Variants in UVRAG observed in about 807,000 individuals in gnomAD.
UVRAG encodes the protein UV radiation resistance associated, also known as UV radiation resistance-associated gene protein.
In UVRAG, 19 loss-of-function variants were observed where a neutral mutation model predicts 78.0. That is an observed-to-expected ratio of 0.24 (90% CI 0.17 to 0.36). The LOEUF is 0.36. Among genes scored for constraint, UVRAG ranks in the 10% least tolerant of loss-of-function variants. UVRAG has a pLI of 1.00. For synonymous variants in UVRAG, 323 were observed against 324.6 expected (o/e 1.00, Z 0.05); for missense variants, 740 against 853.8 (o/e 0.87, Z 1.66).
intron 8 of UVRAG, among the ~76,000 whole-genome samples, chr11:76,003,713 A>G (rs751479773): frequency 2.0e-5 from 3 of 152,194 alleles, no homozygotes; most frequent in Non-Finnish European, 4.4e-5. Flanking sequence ...CTGAATTTTG[A>G]TATCTTATCA....
At chr11:76,102,147 A>G (rs114169319) in intron 13 of UVRAG, among the ~76,000 whole-genome samples, 2,018 of 152,276 alleles carry the variant, frequency 0.013, 47 homozygotes, top group African/African-American at 0.046. Context: ...AGGAATAGCA[A>G]TTGAATCTAT....
intron 14 of UVRAG, among the ~76,000 whole-genome samples, chr11:76,131,874 G>A (rs992557492): frequency 2.0e-5 from 3 of 152,150 alleles, no homozygotes; most frequent in Non-Finnish European, 4.4e-5. Context: ...GAGGTTCTGA[G>A]CTCCTACTTG....
At chr11:75,852,675 G>A (rs936832540) in intron 2 of UVRAG, among the ~76,000 whole-genome samples, 2 of 152,110 alleles carry the variant, frequency 1.3e-5, no homozygotes, top group South Asian at 4.1e-4. Flanking sequence ...CACTAGCTTC[G>A]TGACTTTTGA....
intron 13 of UVRAG, among the ~76,000 whole-genome samples, chr11:76,081,008 G>A (rs747355217): frequency 3.9e-5 from 6 of 152,172 alleles, no homozygotes; most frequent in Non-Finnish European, 7.4e-5. Flanking sequence ...TTTCTAAACT[G>A]CCCTAAAACA....
chr11:76,134,706 A>T (rs191935322), intron 14 of UVRAG, among the ~76,000 whole-genome samples: 4 of 152,170 alleles, frequency 2.6e-5, no homozygotes, highest in African/African-American at 4.8e-5. Context: ...CATAATGACA[A>T]CCACCACAAT....
intron 13 of UVRAG, among the ~76,000 whole-genome samples, chr11:76,069,118 G>A (rs1420154343): frequency 6.6e-6 from 1 of 152,176 alleles, no homozygotes; most frequent in Non-Finnish European, 1.5e-5. Flanking sequence ...TTTTGGTAGA[G>A]GAAATGACAG....
At chr11:75,941,681 ATAT>A (rs777156378) in intron 6 of UVRAG, among the ~76,000 whole-genome samples, 10 of 152,076 alleles carry the variant, frequency 6.6e-5, no homozygotes, top group Non-Finnish European at 1.2e-4. Flanking sequence ...CTGCAACCTG[ATAT>A]TATTTCCTTT....
At chr11:75,897,789 G>C (rs1241658554) in intron 5 of UVRAG, among the ~76,000 whole-genome samples, 5 of 151,174 alleles carry the variant, frequency 3.3e-5, no homozygotes, top group Non-Finnish European at 7.4e-5. Context: ...TTCCCAAAGT[G>C]CTGGGATTAC....
chr11:75,991,193 GAC>G (rs1949599548), intron 8 of UVRAG, among the ~76,000 whole-genome samples: 1 of 152,152 alleles, frequency 6.6e-6, no homozygotes, highest in South Asian at 2.1e-4. Context: ...CAAATAAATA[GAC>G]AGTTGTTTTG....
intron 2 of UVRAG, among the ~76,000 whole-genome samples, chr11:75,859,140 C>T (rs760473020): frequency 2.0e-5 from 3 of 151,946 alleles, no homozygotes; most frequent in Non-Finnish European, 4.4e-5. Flanking sequence ...TTTGGGAGGC[C>T]GAGGCGTGTG....
chr11:75,866,237 C>T (rs189759589), intron 3 of UVRAG, among the ~76,000 whole-genome samples: 2 of 151,320 alleles, frequency 1.3e-5, no homozygotes, highest in African/African-American at 4.9e-5. Flanking sequence ...CAAATTACTT[C>T]GAGCTGAGCG....
chr11:76,003,257 ATTTTTTTTTTTTT>A lies in UVRAG; in HGVS notation c.827-729_827-717del, dbSNP rs398045280. Among the ~76,000 whole-genome samples, 94 of 53,806 alleles carry A rather than the reference ATTTTTTTTTTTTT, an allele frequency of 1.7e-3. 1 individual carries two copies. The highest frequency in any genetic ancestry group is 2.8e-3 in the African/African-American group (36 of 12,906). The allele number at this position is 53,806 out of a possible 152,430, so 35.3% of individuals were successfully genotyped here. ...CACTATGATTTTCACGAAAATACTG[ATTTTTTTTTTTTT>A]TTTTTTTTTTTTTTTTTTGGAGACA... On this transcript the variant is annotated intron_variant, in intron 8 of 14. Coordinates refer to ENST00000356136, the MANE Select transcript of UVRAG (RefSeq NM_003369.4).
intron 4 of UVRAG, among the ~76,000 whole-genome samples, chr11:75,888,156 C>G (rs548895433): frequency 5.3e-5 from 8 of 151,632 alleles, no homozygotes; most frequent in Non-Finnish European, 8.8e-5. Context: ...ATTTTTAAGA[C>G]GAGGTTGTGC....
chr11:76,072,378 C>T (rs1483932081), intron 13 of UVRAG, among the ~76,000 whole-genome samples: 1 of 151,962 alleles, frequency 6.6e-6, no homozygotes, highest in Non-Finnish European at 1.5e-5. Context: ...TGTTTTCAAC[C>T]TGTTTGTTTT....
intron 6 of UVRAG, among the ~76,000 whole-genome samples, chr11:75,932,084 C>A (rs1287456656): frequency 2.0e-5 from 3 of 151,888 alleles, no homozygotes; most frequent in Non-Finnish European, 4.4e-5. Flanking sequence ...TATGTGAATT[C>A]CAACCTTCTT....
chr11:76,116,370 C>T (rs1482835819), intron 14 of UVRAG, among the ~76,000 whole-genome samples: 1 of 152,140 alleles, frequency 6.6e-6, no homozygotes, highest in African/African-American at 2.4e-5. Context: ...AGGTGAAGGG[C>T]CTGATTATAG....
At position 76,004,027 on chromosome 11, in the gene UVRAG, C is replaced by T. The variant is rs371053905; in HGVS notation, c.849C>T (p.His283=). Residue 283 remains histidine, a synonymous_variant, in exon 9 of 15, where the codon CAC becomes CAT. Transcript: ENST00000356136. ...QDKGSAFSAE[H]LKLQLQKESL... is the part of the protein sequence containing the mutation. ...TAGGAAGTGCATTTTCAGCTGAGCA[C>T]CTCAAACTTCAACTCCAGAAGGAAT... The T allele has an allele frequency of 4.5e-5, 73 of 1,613,822 alleles. No individual in the cohort carries two copies. Among genetic ancestry groups the T allele is most frequent in the Non-Finnish European group, 5.9e-5 (70 of 1,179,942 alleles).
intron 8 of UVRAG, among the ~76,000 whole-genome samples, chr11:75,991,738 A>G (rs1046403246): frequency 1.3e-5 from 2 of 152,142 alleles, no homozygotes; most frequent in Non-Finnish European, 2.9e-5. Flanking sequence ...AGATAGGGAG[A>G]TATAGTTCTT....
chr11:76,067,896 A>G (rs1591197852), intron 13 of UVRAG, among the ~76,000 whole-genome samples: 2 of 152,226 alleles, frequency 1.3e-5, no homozygotes, highest in Non-Finnish European at 2.9e-5. Context: ...GGCATCATTT[A>G]GTAGAACTAA....
Sources: gnomAD v4.1 joint callset for allele counts (sites outside exome capture counted in the v4.1 genomes callset) on GRCh38, gnomAD v4.1.1 for gene constraint, MANE v1.5 for transcripts, NCBI Gene and HGNC (gene_info 2026-07-23, HGNC 2026-07-21) for gene names.